Variants in STT3B observed in about 807,000 individuals in gnomAD.
STT3B encodes dolichyl-diphosphooligosaccharide--protein glycosyltransferase subunit STT3B.
STT3B carries 29 observed loss-of-function variants against 96.8 expected under a neutral mutation model. That is an observed-to-expected ratio of 0.30 (90% CI 0.22 to 0.41). STT3B has a LOEUF of 0.41. STT3B is among the 10% of genes least tolerant of loss of function. The pLI is 1.00. For synonymous variants in STT3B, 367 were observed against 360.0 expected, an observed-to-expected ratio of 1.02 and a Z score of -0.22; for missense variants, 640 against 1,022.3, an observed-to-expected ratio of 0.63 and a Z score of 5.10.
At chr3:31,540,406 T>TA (rs1697236978) in intron 1 of STT3B, among the ~76,000 whole-genome samples, 1 of 152,194 alleles carries the variant, frequency 6.6e-6, no homozygotes, top group Non-Finnish European at 1.5e-5. Flanking sequence ...AGTAAAGTGT[T>TA]AAAGTATTAA....
At chr3:31,617,186 C>CTTT (rs5847707) in intron 7 of STT3B, 111 bp downstream of exon 7, 20,239 of 492,436 alleles carry the variant, frequency 0.041, 28 homozygotes, top group Non-Finnish European at 0.05. Flanking sequence ...TGATTTTTTT[C>CTTT]TTTTTTTTTT....
rs188462794 is a variant in STT3B, at chr3:31,629,792, G to A, written c.2187+381G>A. 3.1e-4 allele frequency among the ~76,000 whole-genome samples: 47 copies of A among 152,230 alleles called. 1 individual carries two copies. Among genetic ancestry groups the A allele is most frequent in the Admixed American group, 2.2e-3 (33 of 15,284 alleles). On this transcript the variant is annotated intron_variant, in intron 14 of 15. Coordinates refer to ENST00000295770, the MANE Select transcript of STT3B (RefSeq NM_178862.3). ...GAGAAAAGCTTAAAATTAAAGATTC[G>A]AAGTAAATAGTCACTTCAGATGTTC...
At chr3:31,602,606 C>G (rs1698954399) in intron 5 of STT3B, among the ~76,000 whole-genome samples, 1 of 150,794 alleles carries the variant, frequency 6.6e-6, no homozygotes, top group Non-Finnish European at 1.5e-5. Context: ...AACCTTAGCA[C>G]CAAGATTTCA....
In STT3B at chr3:31,533,000, TGGC is replaced by T; in HGVS notation, c.5_7del (p.Ala2?). 6.3e-7 allele frequency: 1 copy of T among 1,587,884 alleles called. No homozygotes were observed. Among genetic ancestry groups the T allele is most frequent in the Non-Finnish European group, 8.6e-7 (1 of 1,168,654 alleles). On this transcript the variant is annotated start_lost and inframe_deletion, in exon 1 of 16. Coordinates refer to ENST00000295770, the MANE Select transcript of STT3B (RefSeq NM_178862.3). Reference sequence around the variant, plus strand: ...CTAGACCCGCCGCCGGGGCACAACATGGCGGAGCCCTCGGCCCCGGAGAGCAAG... The same window carrying T: ...CTAGACCCGCCGCCGGGGCACAACATGGAGCCCTCGGCCCCGGAGAGCAAG...
intron 14 of STT3B, among the ~76,000 whole-genome samples, chr3:31,632,122 C>T (rs1482330782): frequency 6.6e-6 from 1 of 152,172 alleles, no homozygotes; most frequent in Non-Finnish European, 1.5e-5. Context: ...TCCCAAAGTA[C>T]TGGGATTATA....
chr3:31,533,633 C>T, intron 1 of STT3B: 1 of 190,480 alleles, frequency 5.2e-6, no homozygotes, highest in Non-Finnish European at 1.1e-5. Context: ...GGTGCAGTCC[C>T]TCGCAGCCCG....
At chr3:31,538,450 G>A (rs937747629) in intron 1 of STT3B, among the ~76,000 whole-genome samples, 1 of 152,134 alleles carries the variant, frequency 6.6e-6, no homozygotes, top group Non-Finnish European at 1.5e-5. Flanking sequence ...ACTTGAGTTT[G>A]CTGAATCTGG....
chr3:31,616,166 A>G (rs576648170), intron 6 of STT3B, among the ~76,000 whole-genome samples: 3 of 152,050 alleles, frequency 2.0e-5, no homozygotes, highest in Admixed American at 1.3e-4. Flanking sequence ...AAGATTGGAC[A>G]AAGAGAAGTA....
chr3:31,597,596 A>G (rs899314299), intron 4 of STT3B, among the ~76,000 whole-genome samples: 4 of 151,832 alleles, frequency 2.6e-5, no homozygotes, highest in Admixed American at 2.6e-4. Context: ...AGCCAGGACT[A>G]CAAGCATGTG....
intron 5 of STT3B, among the ~76,000 whole-genome samples, chr3:31,607,167 G>A (rs1699071013): frequency 6.6e-6 from 1 of 152,100 alleles, no homozygotes; most frequent in Admixed American, 6.5e-5. Context: ...TAGGCAGAAG[G>A]GATTTGCCTT....
rs564867976 is a variant in STT3B, at chr3:31,613,283, G to C, written c.878-1822G>C. The stretch of plus-strand genomic sequence containing the variant: ...ATTTCTTATATTAAACCTAAATTCT[G>C]TGGCAGTGTTACAGCATTCAGTGTT... On this transcript the variant is annotated intron_variant, in intron 5 of 15. Transcript: ENST00000295770. 5.9e-5 allele frequency among the ~76,000 whole-genome samples: 9 copies of C among 152,094 alleles called. No homozygotes were observed. The South Asian group carries it at 1.9e-3, about 32-fold the overall frequency.
chr3:31,590,148 A>G (rs1381802587), intron 3 of STT3B, among the ~76,000 whole-genome samples: 2 of 151,942 alleles, frequency 1.3e-5, no homozygotes, highest in African/African-American at 2.4e-5. Context: ...ATATTTCTTT[A>G]TAAGTCTTTG....
chr3:31,625,803 A>AT (rs1699524063), intron 12 of STT3B, 151 bp from the exon 13 acceptor site: 1 of 625,434 alleles, frequency 1.6e-6, no homozygotes, highest in Non-Finnish European at 2.7e-6. Flanking sequence ...ATTCCAATGC[A>AT]TTTGTTGAAT....
intron 1 of STT3B, among the ~76,000 whole-genome samples, chr3:31,557,707 A>C (rs1697754233): frequency 6.6e-6 from 1 of 151,994 alleles, no homozygotes; most frequent in Admixed American, 6.5e-5. Flanking sequence ...GTCTCGGCTC[A>C]CTGCAAGCTC....
chr3:31,569,211 C>T (rs991225235), intron 1 of STT3B, among the ~76,000 whole-genome samples: 41 of 152,108 alleles, frequency 2.7e-4, no homozygotes, highest in African/African-American at 9.2e-4. Context: ...AAGCTGTTCT[C>T]GAACTCCTGG....
At chr3:31,568,628 T>A (rs553501646) in intron 1 of STT3B, among the ~76,000 whole-genome samples, 12 of 152,358 alleles carry the variant, frequency 7.9e-5, no homozygotes, top group African/African-American at 2.9e-4. Flanking sequence ...GAACATCTTT[T>A]CATATACCTG....
chr3:31,553,279 C>G (rs1038920124), intron 1 of STT3B, among the ~76,000 whole-genome samples: 1 of 151,966 alleles, frequency 6.6e-6, no homozygotes, highest in East Asian at 1.9e-4. Context: ...GAAGTGAAAA[C>G]CTGTGTCCTT....
intron 10 of STT3B, 35 bp downstream of exon 10, chr3:31,622,343 A>G (rs1406495055): frequency 3.2e-6 from 5 of 1,549,654 alleles, no homozygotes; most frequent in African/African-American, 1.4e-5. Flanking sequence ...TAAATTGTCT[A>G]TGTCCTTTCT....
intron 1 of STT3B, among the ~76,000 whole-genome samples, chr3:31,557,882 A>G (rs930346873): frequency 6.6e-6 from 1 of 152,176 alleles, no homozygotes; most frequent in Non-Finnish European, 1.5e-5. Flanking sequence ...CGCCCGCCTC[A>G]GCCTCCCAAA....
Sources: gnomAD v4.1 joint callset for allele counts (sites outside exome capture counted in the v4.1 genomes callset) on GRCh38, gnomAD v4.1.1 for gene constraint, MANE v1.5 for transcripts, NCBI Gene and HGNC (gene_info 2026-07-23, HGNC 2026-07-21) for gene names.